The following ZNF449 variants were observed in gnomAD, a reference collection of about 807,000 sequenced individuals.
ZNF449 encodes zinc finger protein 449, also known as zinc finger and SCAN domain-containing protein 19.
ZNF449 carries 4 observed loss-of-function variants against 32.6 expected under a neutral mutation model. That is an observed-to-expected ratio of 0.12 (90% confidence interval 0.06 to 0.28). ZNF449 has a LOEUF of 0.28. Ranked by LOEUF, ZNF449 falls within the 10% of genes least tolerant of loss-of-function variation. The probability of loss-of-function intolerance (pLI) is 1.00; values close to 1 mark genes in which losing one functional copy is unlikely to be tolerated. For synonymous variants in ZNF449, 123 were observed against 132.2 expected (o/e 0.93, Z 0.48); for missense variants, 275 against 383.2 (o/e 0.72, Z 2.36).
chrX:135,348,142 C>T (rs1236782112), intron 2 of ZNF449: 1 of 126,639 alleles, frequency 7.9e-6, no homozygotes, highest in Non-Finnish European at 1.8e-5. Flanking sequence ...AACAGTGTTG[C>T]TCCTCGTCAT....
At chrX:135,353,899 T>C (rs1167722904) in intron 3 of ZNF449, among the ~76,000 whole-genome samples, 1 of 111,594 alleles carries the variant, frequency 9.0e-6, no homozygotes, top group Non-Finnish European at 1.9e-5. Flanking sequence ...ATGTTTCTTC[T>C]ATTACTGTAA....
intron 3 of ZNF449, among the ~76,000 whole-genome samples, chrX:135,355,894 G>T (rs2084914683): frequency 9.0e-6 from 1 of 111,461 alleles, no homozygotes; most frequent in Non-Finnish European, 1.9e-5. Flanking sequence ...GCCAATTCTG[G>T]ATATTTCATA....
At chrX:135,351,102 TG>T (rs1467361604) in intron 3 of ZNF449, among the ~76,000 whole-genome samples, 3 of 111,169 alleles carry the variant, frequency 2.7e-5, no homozygotes, top group Non-Finnish European at 5.7e-5. Flanking sequence ...ATCAGGGAAG[TG>T]GGGAACCATT....
intron 2 of ZNF449, chrX:135,348,354 A>G (rs1330497100): frequency 8.0e-6 from 1 of 125,197 alleles, no homozygotes; most frequent in Admixed American, 9.2e-5. Flanking sequence ...TGAGTGGGAC[A>G]TTCCACACTT....
chrX:135,357,007 A>T (rs184927738), intron 3 of ZNF449, among the ~76,000 whole-genome samples: 1 of 111,398 alleles, frequency 9.0e-6, no homozygotes, highest in Admixed American at 9.6e-5. Flanking sequence ...ATGTTGTTCA[A>T]TGGTCAACTG....
rs183330193 is a variant in ZNF449 at position 135,358,826 on chromosome X, C to T, written c.560-1066C>T. Among the ~76,000 whole-genome samples the T allele has an allele frequency of 1.2e-4, 13 of 111,642 alleles. No homozygotes were observed. The East Asian group carries it at 2.0e-3, about 17-fold the overall frequency. On this transcript the variant is annotated intron_variant, in intron 3 of 4. Coordinates refer to ENST00000339249, the MANE Select transcript of ZNF449 (RefSeq NM_152695.6). ...ATCTATTACCTTGAATTTTATTTGA[C>T]CTGTTTCATATTACCCTGTAATTTC...
chrX:135,347,700 C>T (rs1040024061), intron 2 of ZNF449: 7 of 1,050,607 alleles, frequency 6.7e-6, no homozygotes, highest in South Asian at 2.4e-5. Flanking sequence ...CTTTACTATG[C>T]ACAAATGAAA....
In ZNF449 at chrX:135,347,297, A is replaced by C; in HGVS notation, c.179A>C (p.Lys60Thr). The change falls in exon 2 of 5, where the codon AAG becomes ACG. Residue 60 changes from lysine (K) to threonine (T), a missense_variant. This residue lies in a region of ZNF449 where 30 missense variants were observed against 61.6 expected (regional missense o/e 0.49). Transcript: ENST00000339249. ...KLWELCCQWLKPKMRSKEQIL... is the reference protein window; with the variant it reads ...KLWELCCQWLTPKMRSKEQIL... ...TGGGAGCTTTGCTGTCAATGGCTGA[A>C]GCCAAAGATGCGCTCTAAGGAACAA... 1 of 1,212,520 alleles carries C rather than the reference A, an allele frequency of 8.2e-7. No homozygotes were observed. The highest frequency in any genetic ancestry group is 1.7e-5 in the African/African-American group (1 of 58,021).
intron 3 of ZNF449, among the ~76,000 whole-genome samples, chrX:135,356,719 A>G (rs2084919900): frequency 8.9e-6 from 1 of 111,861 alleles, no homozygotes; most frequent in Non-Finnish European, 1.9e-5. Context: ...TTCATATGTT[A>G]TATTTGTTAT....
chrX:135,359,768 T>C (rs1713992388), intron 3 of ZNF449, 124 bp from the exon 4 acceptor site: 1 of 445,823 alleles, frequency 2.2e-6, no homozygotes, highest in Non-Finnish European at 4.0e-6. Context: ...GAGACTCAGG[T>C]GAAGTAATAG....
intron 1 of ZNF449, among the ~76,000 whole-genome samples, chrX:135,346,578 T>A (rs1556448360): frequency 8.9e-6 from 1 of 112,484 alleles, no homozygotes; most frequent in Non-Finnish European, 1.9e-5. Context: ...TAAGGGTTCA[T>A]TTATTAATAA....
chrX:135,352,708 C>G lies in ZNF449; in HGVS notation c.559+3394C>G, dbSNP rs185567620. Among the ~76,000 whole-genome samples, 4 of 112,045 alleles carry G rather than the reference C, an allele frequency of 3.6e-5. No individual in the cohort carries two copies. The Admixed American group carries it at 3.8e-4, about 11-fold the overall frequency. ...GCTGTCTAGAAAGCATCAGAAGATT[C>G]TTATAACTTAAACTTCTTCAGATTA... On this transcript the variant is annotated intron_variant, in intron 3 of 4. Transcript: ENST00000339249.
In ZNF449 at chrX:135,361,097, T is replaced by C; in HGVS notation, c.*21T>C. The C allele has an allele frequency of 8.9e-7, 1 of 1,121,793 alleles. No homozygotes were observed. The highest frequency in any genetic ancestry group is 2.4e-5 in the South Asian group (1 of 41,337). The allele number at this position is 1,121,793 out of a possible 1,213,427, so 92.4% of individuals were successfully genotyped here. A position where few individuals can be genotyped will look rare whatever the true frequency, so the allele number is the denominator to read the frequency against. ...TTTAAGAATTGCTAAGGGAAACAGG[T>C]CTTACACAAATTGACACTAACTCAA... On this transcript the variant is annotated 3_prime_UTR_variant, in exon 5 of 5. Coordinates refer to ENST00000339249, the MANE Select transcript of ZNF449 (RefSeq NM_152695.6).
intron 1 of ZNF449, among the ~76,000 whole-genome samples, chrX:135,345,303 G>A (rs1004143700): frequency 8.9e-6 from 1 of 112,448 alleles, no homozygotes; most frequent in African/African-American, 3.2e-5. Flanking sequence ...CTCTGGGAAG[G>A]GTCCATCGAA....
rs192668870 is a variant in ZNF449 at position 135,359,903 on chromosome X, C to T, written c.571C>T (p.Pro191Ser). Reference protein sequence around the residue: ...QNFLDPGYPLPKLDMNFSLEN... With the variant: ...QNFLDPGYPLSKLDMNFSLEN... ...TTTCTTCTGGCCAGGATATCCATTA[C>T]CAAAACTTGACATGAACTTCTCATT... Residue 191 changes from proline (P) to serine (S), a missense_variant, in exon 4 of 5, where the codon CCA becomes TCA. Pro to Ser is a moderately conservative substitution (Grantham distance 74). This residue lies in a region of ZNF449 where 165 missense variants were observed against 175.0 expected (regional missense o/e 0.94). Coordinates refer to ENST00000339249, the MANE Select transcript of ZNF449 (RefSeq NM_152695.6). 2 of 1,189,726 alleles carry T rather than the reference C, an allele frequency of 1.7e-6. No homozygotes were observed. The highest frequency in any genetic ancestry group is 6.0e-5 in the East Asian group (2 of 33,305).
chrX:135,356,216 A>G (rs1485605707), intron 3 of ZNF449, among the ~76,000 whole-genome samples: 3 of 111,970 alleles, frequency 2.7e-5, no homozygotes, highest in Admixed American at 1.9e-4. Context: ...TGGTAACTCT[A>G]TGTTTAAACT....
chrX:135,359,998 C>T lies in ZNF449; in HGVS notation c.666C>T (p.Ser222=). The change falls in exon 4 of 5, where the codon TCC becomes TCT. Residue 222 remains serine (S), a synonymous_variant. Coordinates refer to ENST00000339249, the MANE Select transcript of ZNF449 (RefSeq NM_152695.6). ...DSKEMKQLLD[S]KIGFEIGIEN... ...AAGAAATGAAACAATTACTTGATTCCAAGATAGGTAAGTAATTGTTCTTTG... is the reference window on the plus strand; with the variant it reads ...AAGAAATGAAACAATTACTTGATTCTAAGATAGGTAAGTAATTGTTCTTTG... 8.6e-7 allele frequency: 1 copy of T among 1,158,064 alleles called. No homozygotes were observed. The highest frequency in any genetic ancestry group is 1.2e-6 in the Non-Finnish European group (1 of 855,601).
chrX:135,346,214 G>A (rs1265387494), intron 1 of ZNF449, among the ~76,000 whole-genome samples: 1 of 112,211 alleles, frequency 8.9e-6, no homozygotes, highest in African/African-American at 3.2e-5. Context: ...TGAATGCATA[G>A]CAAATTCCTA....
intron 2 of ZNF449, 124 bp from the exon 3 acceptor site, chrX:135,348,982 CCTTA>C (rs1556449375): frequency 1.6e-5 from 15 of 959,395 alleles, no homozygotes; most frequent in African/African-American, 1.9e-5. Flanking sequence ...TTAAGATTGG[CCTTA>C]CTTTTTAAAA....
Sources: allele counts gnomAD v4.1 joint callset (sites outside exome capture counted in the v4.1 genomes callset), GRCh38; gene constraint gnomAD v4.1.1; regional missense constraint gnomAD v4.1.1; transcripts MANE v1.5; gene names NCBI Gene and HGNC (gene_info 2026-07-23, HGNC 2026-07-21).